LAMA2: variants seen among roughly 807,000 people sequenced by gnomAD.
The protein encoded by LAMA2 is laminin subunit alpha 2, also known as laminin subunit alpha-2.
A neutral mutation model predicts 364.8 loss-of-function variants in LAMA2; 269 were observed. The ratio of observed to expected loss-of-function variants is 0.74; its 90% confidence interval spans 0.67 to 0.82. The LOEUF is 0.82. Ranked by LOEUF, LAMA2 falls within the 40% of genes least tolerant of loss-of-function variation. The probability of loss-of-function intolerance (pLI) is 0.00; values close to 1 mark genes in which losing one functional copy is unlikely to be tolerated. For synonymous variants in LAMA2, 1,379 were observed against 1,370.6 expected (o/e 1.01, Z -0.14); for missense variants, 3,807 against 3,873.2 (o/e 0.98, Z 0.45).
intron 4 of LAMA2, among the ~76,000 whole-genome samples, chr6:129,125,935 A>G (rs1032879103): frequency 6.6e-6 from 1 of 152,170 alleles, no homozygotes; most frequent in African/African-American, 2.4e-5. Context: ...TCAATTTACA[A>G]TAAAAAATAA....
chr6:128,970,764 G>A (rs544038151), intron 1 of LAMA2, among the ~76,000 whole-genome samples: 9 of 152,250 alleles, frequency 5.9e-5, no homozygotes, highest in Admixed American at 3.3e-4. Context: ...TCACTAAGTC[G>A]ATCATTGCCC....
intron 4 of LAMA2, among the ~76,000 whole-genome samples, chr6:129,134,894 T>C (rs1448320959): frequency 1.3e-5 from 2 of 152,030 alleles, no homozygotes; most frequent in Non-Finnish European, 2.9e-5. Context: ...ACCAGGAGGG[T>C]CTCTACTGAT....
intron 47 of LAMA2, among the ~76,000 whole-genome samples, chr6:129,456,067 A>T (rs575565447): frequency 6.6e-6 from 1 of 152,310 alleles, no homozygotes; most frequent in African/African-American, 2.4e-5. Flanking sequence ...GTGTCATTTC[A>T]TGTCAATGAA....
At chr6:128,884,542 A>T (rs1776039835) in intron 1 of LAMA2, among the ~76,000 whole-genome samples, 1 of 152,136 alleles carries the variant, frequency 6.6e-6, no homozygotes, top group Admixed American at 6.5e-5. Context: ...TAAGGAGTAA[A>T]GAGATATCCC....
intron 1 of LAMA2, among the ~76,000 whole-genome samples, chr6:128,924,390 C>T (rs1291436674): frequency 6.6e-6 from 1 of 151,990 alleles, no homozygotes; most frequent in East Asian, 1.9e-4. Flanking sequence ...AATTCTAATA[C>T]CATTCAACTG....
chr6:129,159,144 G>A lies in LAMA2; in HGVS notation c.1206+4461G>A, dbSNP rs776239309. 216 of 1,531,156 alleles carry A rather than the reference G, an allele frequency of 1.4e-4. 1 individual carries two copies. Among genetic ancestry groups the A allele is most frequent in the Non-Finnish European group, 1.8e-4 (201 of 1,106,200 alleles). 94.8% of individuals were successfully genotyped at this position (1,531,156 alleles called of 1,614,324 possible). ...ATTGTTCAATTGTAATGTTTCCTGT[G>A]TACTGTCACCTTTAGTAATTGGTCT... On this transcript the variant is annotated intron_variant, in intron 8 of 64. Coordinates refer to ENST00000421865, the MANE Select transcript of LAMA2 (RefSeq NM_000426.4).
intron 1 of LAMA2, among the ~76,000 whole-genome samples, chr6:129,043,555 T>C (rs146780535): frequency 6.6e-6 from 1 of 152,356 alleles, no homozygotes; most frequent in Non-Finnish European, 1.5e-5. Flanking sequence ...TCCTTGAGTA[T>C]AGTTTAAAAG....
intron 4 of LAMA2, among the ~76,000 whole-genome samples, chr6:129,099,896 C>T (rs554752201): frequency 6.6e-6 from 1 of 152,286 alleles, no homozygotes; most frequent in East Asian, 1.9e-4. Flanking sequence ...TGCTTTGTGC[C>T]TAGAGGCATC....
At chr6:129,231,692 T>G (rs558663495) in intron 12 of LAMA2, among the ~76,000 whole-genome samples, 1 of 152,126 alleles carries the variant, frequency 6.6e-6, no homozygotes, top group Non-Finnish European at 1.5e-5. Context: ...AAACTACCCA[T>G]GCACTTTCCT....
intron 21 of LAMA2, among the ~76,000 whole-genome samples, chr6:129,298,642 A>G (rs992476035): frequency 5.9e-5 from 9 of 152,336 alleles, no homozygotes; most frequent in East Asian, 3.9e-4. Flanking sequence ...GATAATGCTC[A>G]CATACTCTCA....
chr6:129,477,597 C>T (rs952089083), intron 53 of LAMA2, among the ~76,000 whole-genome samples: 6 of 151,846 alleles, frequency 4.0e-5, no homozygotes, highest in Non-Finnish European at 7.4e-5. Context: ...CACACTTGCC[C>T]CATTTTATGA....
intron 4 of LAMA2, among the ~76,000 whole-genome samples, chr6:129,134,816 C>T (rs1008743083): frequency 1.3e-5 from 2 of 152,142 alleles, no homozygotes; most frequent in Admixed American, 6.5e-5. Flanking sequence ...GGGACCCCTG[C>T]TTTAGCCCTC....
In LAMA2 at chr6:129,402,341, A is replaced by G. The variant is rs1429446320; in HGVS notation, c.5580A>G (p.Gln1860=). The change falls in exon 39 of 65, where the codon CAA becomes CAG. Residue 1860 remains glutamine (Q), a synonymous_variant. Transcript: ENST00000421865. ...NSIIDYVEDI[Q]TKLPPMSEEL... ...CATATCAGTATGTTGAAGACATCCA[A>G]ACTAAATTGCCACCTATGTCTGAGG... 1.2e-6 allele frequency: 2 copies of G among 1,613,986 alleles called. No homozygotes were observed. The highest frequency in any genetic ancestry group is 1.7e-5 in the Admixed American group (1 of 60,010).
At chr6:128,996,027 G>C (rs1783918692) in intron 1 of LAMA2, among the ~76,000 whole-genome samples, 1 of 152,054 alleles carries the variant, frequency 6.6e-6, no homozygotes, top group East Asian at 1.9e-4. Flanking sequence ...CAAGGCCTTT[G>C]TCCTAATGGA....
At chr6:128,909,360 T>C (rs1380715243) in intron 1 of LAMA2, among the ~76,000 whole-genome samples, 1 of 151,996 alleles carries the variant, frequency 6.6e-6, no homozygotes, top group Admixed American at 6.6e-5. Flanking sequence ...TTAGCTCTTC[T>C]TGTTGAATTG....
chr6:129,223,648 G>A (rs532158924), intron 12 of LAMA2, among the ~76,000 whole-genome samples: 2 of 152,272 alleles, frequency 1.3e-5, no homozygotes, highest in African/African-American at 4.8e-5. Context: ...AGATCAGATG[G>A]TTGTAGATGT....
intron 12 of LAMA2, among the ~76,000 whole-genome samples, chr6:129,226,671 C>T (rs1188082145): frequency 6.6e-6 from 1 of 152,004 alleles, no homozygotes; most frequent in Non-Finnish European, 1.5e-5. Context: ...CCACTCTCTT[C>T]CGGCTTGTAG....
intron 1 of LAMA2, among the ~76,000 whole-genome samples, chr6:128,974,703 T>A (rs1267561148): frequency 6.6e-6 from 1 of 152,214 alleles, no homozygotes; most frequent in East Asian, 1.9e-4. Flanking sequence ...GCCTGTGGGT[T>A]CACTGATTCA....
chr6:128,959,456 A>G (rs985777966), intron 1 of LAMA2, among the ~76,000 whole-genome samples: 21 of 152,116 alleles, frequency 1.4e-4, no homozygotes, highest in African/African-American at 4.6e-4. Flanking sequence ...AATTTTGAAG[A>G]TATTGCTTCA....
Sources: allele counts gnomAD v4.1 joint callset (sites outside exome capture counted in the v4.1 genomes callset), GRCh38; gene constraint gnomAD v4.1.1; transcripts MANE v1.5; gene names NCBI Gene and HGNC (gene_info 2026-07-23, HGNC 2026-07-21).